The following URB1 variants were observed in gnomAD, a reference collection of about 807,000 sequenced individuals.
The protein encoded by URB1 is URB1 ribosome biogenesis factor.
URB1 carries 197 observed loss-of-function variants against 242.3 expected under a neutral mutation model. The observed-to-expected ratio is 0.81, with a 90% CI of 0.72 to 0.91. URB1 has a LOEUF of 0.91. URB1 is among the 40% of genes least tolerant of loss of function. The probability of loss-of-function intolerance (pLI) is 0.00; values close to 1 mark genes in which losing one functional copy is unlikely to be tolerated. For synonymous variants in URB1, 1,153 were observed against 1,201.8 expected (o/e 0.96, Z 0.84); for missense variants, 2,721 against 2,860.5 (o/e 0.95, Z 1.11).
In URB1 at chr21:32,311,411, C is replaced by G. The variant is rs1425308065; in HGVS notation, c.*3507G>C. 4 of 273,762 alleles carry G rather than the reference C, an allele frequency of 1.5e-5. No homozygotes were observed. The South Asian group carries it at 2.7e-4, about 19-fold the overall frequency. 17.0% of individuals were successfully genotyped at this position (273,762 alleles called of 1,614,324 possible). On this transcript the variant is annotated 3_prime_UTR_variant, in exon 39 of 39. Coordinates refer to ENST00000382751, the MANE Select transcript of URB1 (RefSeq NM_014825.3). ...GGAGGTCAACCTGCTCCCCTCCACC[C>G]CCCACCCCCCCCATCCTAAATCAAT... is the stretch of plus-strand genomic sequence containing the variant.
chr21:32,374,090 T>C (rs899180090), intron 6 of URB1, among the ~76,000 whole-genome samples: 1 of 152,220 alleles, frequency 6.6e-6, no homozygotes, highest in Non-Finnish European at 1.5e-5. Context: ...GCATAAGCCT[T>C]TTCCACGTCA....
intron 28 of URB1, 147 bp downstream of exon 28, chr21:32,336,947 A>G (rs1435553210): frequency 1.3e-6 from 1 of 786,886 alleles, no homozygotes; most frequent in Non-Finnish European, 2.1e-6. Flanking sequence ...CCTATGCAGA[A>G]GCCAGTGTGA....
intron 27 of URB1, 70 bp downstream of exon 27, chr21:32,337,334 C>G: frequency 2.1e-6 from 3 of 1,437,568 alleles, no homozygotes; most frequent in Non-Finnish European, 2.8e-6. Context: ...CTCTCATTCC[C>G]TATCTCTGCT....
intron 6 of URB1, among the ~76,000 whole-genome samples, chr21:32,373,981 A>G (rs1028762015): frequency 2.1e-4 from 32 of 152,166 alleles, no homozygotes; most frequent in African/African-American, 7.5e-4. Context: ...CTATTTTGAT[A>G]TATTTCCTTT....
At chr21:32,378,402 CA>C in intron 5 of URB1, 42 bp downstream of exon 5, 1 of 1,529,734 alleles carries the variant, frequency 6.5e-7, no homozygotes. Context: ...GTAGGTTTTT[CA>C]AAACAAATGG....
chr21:32,324,666 T>C (rs780198665), intron 31 of URB1, 64 bp from the exon 32 acceptor site: 18 of 1,292,086 alleles, frequency 1.4e-5, no homozygotes, highest in Non-Finnish European at 2.0e-5. Context: ...GTCAGTCCTC[T>C]CTGGTGCAGC....
intron 10 of URB1, among the ~76,000 whole-genome samples, chr21:32,364,750 T>C (rs984565259): frequency 2.0e-5 from 3 of 152,028 alleles, no homozygotes; most frequent in African/African-American, 7.2e-5. Flanking sequence ...GACTCTAAAA[T>C]GTATGCTTTA....
rs948746548 is a variant in URB1, at chr21:32,311,417, C to A, written c.*3501G>T. ...CAACCTGCTCCCCTCCACCCCCCAC[C>A]CCCCCCATCCTAAATCAATGTAGGA... is the stretch of plus-strand genomic sequence containing the variant. On this transcript the variant is annotated 3_prime_UTR_variant, in exon 39 of 39. Coordinates refer to ENST00000382751, the MANE Select transcript of URB1 (RefSeq NM_014825.3). 4 of 292,022 alleles carry A rather than the reference C, an allele frequency of 1.4e-5. No individual in the cohort carries two copies. Among genetic ancestry groups the A allele is most frequent in the African/African-American group, 4.4e-5 (2 of 45,754 alleles). The allele number at this position is 292,022 out of a possible 1,614,324, so 18.1% of individuals were successfully genotyped here.
At chr21:32,337,807 G>A (rs1176040508) in intron 26 of URB1, among the ~76,000 whole-genome samples, 1 of 151,796 alleles carries the variant, frequency 6.6e-6, no homozygotes, top group African/African-American at 2.4e-5. Flanking sequence ...AGAGGCATGA[G>A]CCACCGCGCC....
rs201767332 is a variant in URB1 at position 32,337,599 on chromosome 21, T to C, written c.4511-85A>G. 668 of 1,131,176 alleles carry C rather than the reference T, an allele frequency of 5.9e-4. 10 individuals are homozygous for C. The East Asian group carries it at 0.015, about 26-fold the overall frequency. 70.1% of individuals were successfully genotyped at this position (1,131,176 alleles called of 1,614,324 possible). ...AGAGGAGAGAGCCTTCCAGGCAACATTGAAATGCTGGAAATCTCCTCCTCT... is the reference window on the plus strand; with the variant it reads ...AGAGGAGAGAGCCTTCCAGGCAACACTGAAATGCTGGAAATCTCCTCCTCT... On this transcript the variant is annotated intron_variant, in intron 26 of 38. Coordinates refer to ENST00000382751, the MANE Select transcript of URB1 (RefSeq NM_014825.3).
At position 32,383,410 on chromosome 21, in the gene URB1, T is replaced by C. The variant is rs2033548227; in HGVS notation, c.567+12A>G. ...GACCCATGGAAGGCACGAGACACTG[T>C]GGTCCCCTCACCTTTGAATCCCTCT... On this transcript the variant is annotated intron_variant, in intron 4 of 38. Transcript: ENST00000382751. The C allele has an allele frequency of 6.5e-7, 1 of 1,549,260 alleles. No homozygotes were observed. Among genetic ancestry groups the C allele is most frequent in the Non-Finnish European group, 8.7e-7 (1 of 1,145,946 alleles).
Position 32,312,256 on chromosome 21 carries a change from T to A in URB1, c.*2662A>T, listed in dbSNP as rs1285092463. On this transcript the variant is annotated 3_prime_UTR_variant, in exon 39 of 39. Transcript: ENST00000382751. ...CTGCTTATATTTGCTCAGGGAAGAG[T>A]AGGAAAATAAAATATATGCAAATCA... 1 of 1,409,944 alleles carries A rather than the reference T, an allele frequency of 7.1e-7. No individual in the cohort carries two copies. Among genetic ancestry groups the A allele is most frequent in the Non-Finnish European group, 9.2e-7 (1 of 1,084,366 alleles). The allele number at this position is 1,409,944 out of a possible 1,614,324, so 87.3% of individuals were successfully genotyped here. A position where few individuals can be genotyped will look rare whatever the true frequency, so the allele number is the denominator to read the frequency against.
chr21:32,385,642 T>C lies in URB1; in HGVS notation c.185A>G (p.Glu62Gly). ...CCCTTCCACAACATCATACACATCT[T>C]CTCGTGGTAGCTTCTTGGCAGCAGA... Reference protein sequence around the residue: ...FVSAAKKLPREDVYDVVEGYI... With the variant: ...FVSAAKKLPRGDVYDVVEGYI... Residue 62 changes from glutamate to glycine, a missense_variant, in exon 2 of 39, where the codon GAA (glutamate) becomes GGA (glycine). By Grantham distance (98) the Glu-to-Gly change is moderately conservative. Coordinates refer to ENST00000382751, the MANE Select transcript of URB1 (RefSeq NM_014825.3). The C allele has an allele frequency of 6.4e-7, 1 of 1,551,692 alleles. No individual in the cohort carries two copies. The highest frequency in any genetic ancestry group is 8.7e-7 in the Non-Finnish European group (1 of 1,146,986).
At chr21:32,351,184 A>G (rs921100041) in intron 19 of URB1, among the ~76,000 whole-genome samples, 1 of 152,240 alleles carries the variant, frequency 6.6e-6, no homozygotes, top group Non-Finnish European at 1.5e-5. Flanking sequence ...CTTGGAGAAC[A>G]AGGCAGAAGC....
In URB1 at chr21:32,347,552, C is replaced by T; in HGVS notation, c.3272G>A (p.Arg1091Lys). ...TGGTGGTGATGTGGCCGGGCCCGCC[C>T]TCCTGTTCTGAAGTTCCTTCAGCAC... ...QSVLKELQNR[R>K]AGPATSPPKT... Residue 1091 changes from arginine to lysine, a missense_variant, in exon 22 of 39, where the codon AGG becomes AAG. Arg to Lys is a conservative substitution (Grantham distance 26). Transcript: ENST00000382751. 6.4e-7 allele frequency: 1 copy of T among 1,551,316 alleles called. No homozygotes were observed. The highest frequency in any genetic ancestry group is 2.4e-5 in the East Asian group (1 of 40,906).
chr21:32,378,247 C>T (rs1346008679), intron 5 of URB1, among the ~76,000 whole-genome samples, 198 bp downstream of exon 5: 2 of 152,186 alleles, frequency 1.3e-5, no homozygotes, highest in Non-Finnish European at 2.9e-5. Context: ...CAACTCTGTT[C>T]ACTCTTGACC....
At chr21:32,355,799 CAA>C (rs572227572) in intron 15 of URB1, among the ~76,000 whole-genome samples, 80 of 152,274 alleles carry the variant, frequency 5.3e-4, no homozygotes, top group Non-Finnish European at 8.7e-4. Flanking sequence ...TTAGCAGAGA[CAA>C]AGTTTTGCCA....
chr21:32,371,397 TA>T (rs2033404488), intron 8 of URB1, among the ~76,000 whole-genome samples: 1 of 152,150 alleles, frequency 6.6e-6, no homozygotes, highest in Non-Finnish European at 1.5e-5. Flanking sequence ...AAAAATGCTT[TA>T]AAAAGGGGGA....
At chr21:32,352,560 G>GCTT in intron 19 of URB1, 150 bp downstream of exon 19, 1 of 839,124 alleles carries the variant, frequency 1.2e-6, no homozygotes, top group South Asian at 1.7e-5. Context: ...ATACTACTTA[G>GCTT]CTTCCTCTCT....
Sources: allele counts gnomAD v4.1 joint callset (sites outside exome capture counted in the v4.1 genomes callset), GRCh38; gene constraint gnomAD v4.1.1; transcripts MANE v1.5; gene names NCBI Gene and HGNC (gene_info 2026-07-23, HGNC 2026-07-21).